Variants in ANK2 observed in about 807,000 individuals in gnomAD.
ANK2 encodes ankyrin-2.
In ANK2, 83 loss-of-function variants were observed where a neutral mutation model predicts 360.5. The ratio of observed to expected loss-of-function variants is 0.23; its 90% confidence interval spans 0.19 to 0.28. The LOEUF is 0.28. ANK2 is among the 10% of genes least tolerant of loss of function. The probability of loss-of-function intolerance (pLI) is 1.00; values close to 1 mark genes in which losing one functional copy is unlikely to be tolerated. For missense variants in ANK2, 4,201 were observed against 4,795.7 expected (o/e 0.88, Z 3.66); for synonymous variants, 1,740 against 1,759.5 (o/e 0.99, Z 0.28).
intron 1 of ANK2, among the ~76,000 whole-genome samples, chr4:112,877,598 A>C (rs1305473051): frequency 6.6e-6 from 1 of 152,220 alleles, no homozygotes; most frequent in African/African-American, 2.4e-5. Context: ...AGAGCCCAGG[A>C]CAAATGAAAA....
chr4:113,347,806 TA>T (rs5861129), intron 35 of ANK2: 44,975 of 159,260 alleles, frequency 0.28, 7,516 homozygotes, highest in African/African-American at 0.56. Context: ...TTGTCTCTAT[TA>T]AAAAAAAAAA....
At chr4:112,856,865 G>A (rs1367508505) in intron 1 of ANK2, among the ~76,000 whole-genome samples, 1 of 152,230 alleles carries the variant, frequency 6.6e-6, no homozygotes, top group Non-Finnish European at 1.5e-5. Context: ...TCTTAATATA[G>A]CAAAGCCAGT....
rs1564022872 is a variant in ANK2 at position 113,356,085 on chromosome 4, T to G, written c.7467T>G (p.Leu2489=). The G allele has an allele frequency of 6.2e-7, 1 of 1,614,108 alleles. No homozygotes were observed. The highest frequency in any genetic ancestry group is 8.5e-7 in the Non-Finnish European group (1 of 1,179,994). Residue 2489 remains leucine, a synonymous_variant, in exon 38 of 46, where the codon CTT becomes CTG. Coordinates refer to ENST00000357077, the MANE Select transcript of ANK2 (RefSeq NM_001148.6). ...KAGIFPSHFP[L]PAAVAKTELL... ...GAATTTTTCCAAGTCACTTTCCTCT[T>G]CCTGCAGCTGTTGCCAAAACAGAAC...
chr4:112,826,617 C>G (rs1479338114), intron 1 of ANK2: 8 of 1,288,554 alleles, frequency 6.2e-6, no homozygotes, highest in Non-Finnish European at 8.6e-6. Context: ...ACTAGTAGTT[C>G]AGCAGGCTTC....
At chr4:113,372,145 A>C (rs2154071668) in intron 43 of ANK2, among the ~76,000 whole-genome samples, 1 of 152,284 alleles carries the variant, frequency 6.6e-6, no homozygotes, top group South Asian at 2.1e-4. Flanking sequence ...TCCAAGCCTA[A>C]GCACCAGTGT....
intron 2 of ANK2, among the ~76,000 whole-genome samples, chr4:112,919,236 G>T (rs2090803136): frequency 6.6e-6 from 1 of 152,094 alleles, no homozygotes; most frequent in South Asian, 2.1e-4. Context: ...GTTATATGGA[G>T]CAGGGTATAG....
chr4:112,878,363 G>C (rs1028118016), intron 1 of ANK2, among the ~76,000 whole-genome samples: 10 of 151,776 alleles, frequency 6.6e-5, no homozygotes, highest in Non-Finnish European at 1.2e-4. Flanking sequence ...TTTTGCTCTT[G>C]TTGCCCAGGC....
the ANK2 span, among the ~76,000 whole-genome samples, chr4:112,718,966 TTTA>T: frequency 6.6e-6 from 1 of 152,182 alleles, no homozygotes; most frequent in South Asian, 2.1e-4. Flanking sequence ...GTCAGCAGTT[TTTA>T]TTCTGTTGAC....
At chr4:113,174,617 T>C (rs548690392) in intron 2 of ANK2, 100 bp downstream of exon 2, 47 of 967,984 alleles carry the variant, frequency 4.9e-5, no homozygotes, top group Non-Finnish European at 7.1e-5. Flanking sequence ...AATACTAAAA[T>C]ATCAGTGACT....
chr4:112,802,554 T>C, the ANK2 span, among the ~76,000 whole-genome samples: 1 of 152,154 alleles, frequency 6.6e-6, no homozygotes, highest in African/African-American at 2.4e-5. Context: ...CTCTGGGAAG[T>C]GGGATTAGGT....
the ANK2 span, among the ~76,000 whole-genome samples, chr4:112,760,396 C>G: frequency 1.3e-5 from 2 of 151,950 alleles, no homozygotes; most frequent in Non-Finnish European, 2.9e-5. Context: ...ACCGTGTTAG[C>G]GAGGATGGTC....
intron 2 of ANK2, among the ~76,000 whole-genome samples, chr4:112,913,529 A>G (rs1293942669): frequency 6.6e-6 from 1 of 152,240 alleles, no homozygotes; most frequent in East Asian, 1.9e-4. Context: ...ATTTTTGAAT[A>G]ATACATTTTG....
intron 4 of ANK2, among the ~76,000 whole-genome samples, chr4:113,226,375 G>A (rs528955904): frequency 9.2e-5 from 14 of 152,232 alleles, no homozygotes; most frequent in African/African-American, 3.4e-4. Context: ...GTAAGTTTCC[G>A]TATGTCCTGT....
At chr4:113,245,679 C>T (rs1384338396) in intron 9 of ANK2, among the ~76,000 whole-genome samples, 3 of 151,930 alleles carry the variant, frequency 2.0e-5, no homozygotes, top group African/African-American at 4.8e-5. Context: ...ATAGGGATTA[C>T]GGGAAATAGA....
intron 2 of ANK2, among the ~76,000 whole-genome samples, chr4:113,025,936 C>T (rs578224341): frequency 6.6e-6 from 1 of 152,214 alleles, no homozygotes; most frequent in Admixed American, 6.5e-5. Flanking sequence ...CTTTCATGGG[C>T]ATTTTAATTT....
At chr4:112,973,553 A>G (rs2040337247) in intron 2 of ANK2, among the ~76,000 whole-genome samples, 1 of 152,188 alleles carries the variant, frequency 6.6e-6, no homozygotes, top group South Asian at 2.1e-4. Flanking sequence ...ATCAAAATGG[A>G]CATGATCATA....
Position 113,360,860 on chromosome 4 carries a change from G to A in ANK2, c.10719G>A (p.Leu3573=). 6.2e-7 allele frequency: 1 copy of A among 1,612,806 alleles called. No individual in the cohort carries two copies. Among genetic ancestry groups the A allele is most frequent in the Non-Finnish European group, 8.5e-7 (1 of 1,179,324 alleles). ...AGCAGGAACGGATCGAGGAAAGGCT[G>A]GCTTATATTGCTGATCACCTTGGCT... ...QDEQERIEER[L]AYIADHLGFS... The change falls in exon 39 of 46, where the codon CTG becomes CTA. Residue 3573 remains leucine, a synonymous_variant. Coordinates refer to ENST00000357077, the MANE Select transcript of ANK2 (RefSeq NM_001148.6).
At position 113,355,282 on chromosome 4, in the gene ANK2, A is replaced by G; in HGVS notation, c.6664A>G (p.Thr2222Ala). 1 of 1,614,016 alleles carries G rather than the reference A, an allele frequency of 6.2e-7. No individual in the cohort carries two copies. Among genetic ancestry groups the G allele is most frequent in the Non-Finnish European group, 8.5e-7 (1 of 1,179,954 alleles). ...TCCGTGTGGCAGCCTGATGGAGGGG[A>G]CCCCTCAGATTAGTTCAGAAGAAAG... ...GSPCGSLMEG[T>A]PQISSEESYK... Residue 2222 changes from threonine (T) to alanine (A), a missense_variant, in exon 38 of 46, where the codon ACC becomes GCC. Physicochemically the swap from Thr to Ala is moderately conservative, Grantham distance 58 (BLOSUM62 0). Coordinates refer to ENST00000357077, the MANE Select transcript of ANK2 (RefSeq NM_001148.6).
the ANK2 span, among the ~76,000 whole-genome samples, chr4:112,792,985 C>CT: frequency 6.6e-6 from 1 of 152,068 alleles, no homozygotes; most frequent in Non-Finnish European, 1.5e-5. Context: ...AACTACATTT[C>CT]TTTTTTCTTT....
Sources: allele counts gnomAD v4.1 joint callset (sites outside exome capture counted in the v4.1 genomes callset), GRCh38; gene constraint gnomAD v4.1.1; transcripts MANE v1.5; gene names NCBI Gene and HGNC (gene_info 2026-07-23, HGNC 2026-07-21).